FRMD4A: variants seen among roughly 807,000 people sequenced by gnomAD.
The protein encoded by FRMD4A is FERM domain containing 4A.
FRMD4A carries 29 observed loss-of-function variants against 129.1 expected under a neutral mutation model. The observed-to-expected ratio is 0.22, with a 90% CI of 0.17 to 0.31. The LOEUF (loss-of-function observed/expected upper bound fraction) is 0.31. FRMD4A is among the 10% of genes least tolerant of loss of function. The pLI is 1.00. For synonymous variants in FRMD4A, 634 were observed against 571.6 expected, an observed-to-expected ratio of 1.11 and a Z score of -1.56; for missense variants, 1,272 against 1,375.8, an observed-to-expected ratio of 0.92 and a Z score of 1.19.
At chr10:14,035,782 C>A (rs1238837533) in intron 2 of FRMD4A, among the ~76,000 whole-genome samples, 1 of 152,184 alleles carries the variant, frequency 6.6e-6, no homozygotes, top group Non-Finnish European at 1.5e-5. Flanking sequence ...ATGAAATAGA[C>A]TAAAGATATG....
At chr10:14,257,942 G>T (rs1446761198) in intron 2 of FRMD4A, among the ~76,000 whole-genome samples, 1 of 152,130 alleles carries the variant, frequency 6.6e-6, no homozygotes, top group African/African-American at 2.4e-5. Context: ...ACTAATACAA[G>T]GTGCAATGGA....
intron 2 of FRMD4A, among the ~76,000 whole-genome samples, chr10:14,192,828 T>C (rs1383200839): frequency 2.0e-5 from 3 of 152,232 alleles, no homozygotes; most frequent in Non-Finnish European, 2.9e-5. Flanking sequence ...TTGCATCAAC[T>C]TTTTCTTCCA....
At position 13,811,290 on chromosome 10, in the gene FRMD4A, C is replaced by CTT. The variant is rs1251736240; in HGVS notation, c.112-384_112-383dup. ...TATAGGCATATGCCACCACGCATGG[C>CTT]TTTTTTTTTTTTTTTTGGTTTTAGG... On this transcript the variant is annotated intron_variant, in intron 3 of 24. Coordinates refer to ENST00000357447, the MANE Select transcript of FRMD4A (RefSeq NM_018027.5). Among the ~76,000 whole-genome samples the CTT allele has an allele frequency of 3.0e-3, 374 of 126,368 alleles. 3 individuals are homozygous for CTT. Among genetic ancestry groups the CTT allele is most frequent in the African/African-American group, 9.9e-3 (343 of 34,504 alleles). The allele number at this position is 126,368 out of a possible 152,430, so 82.9% of individuals were successfully genotyped here. A position where few individuals can be genotyped will look rare whatever the true frequency, so the allele number is the denominator to read the frequency against.
rs1356308576 is a variant in FRMD4A at position 13,821,362 on chromosome 10, A to T, written c.112-10454T>A. ...AGTTGCACTGTCTTGGCTCTCAGGC[A>T]CCCAGAACAGGTAGGAGAGACCCCG... is the stretch of plus-strand genomic sequence containing the variant. On this transcript the variant is annotated intron_variant, in intron 3 of 24. Transcript: ENST00000357447. This position sits in a 1 kb window ranked among gnomAD's most constrained non-coding sequence, Gnocchi z 4.3. Among the ~76,000 whole-genome samples the T allele has an allele frequency of 6.6e-6, 1 of 152,062 alleles. No homozygotes were observed. Among genetic ancestry groups the T allele is most frequent in the Non-Finnish European group, 1.5e-5 (1 of 68,006 alleles).
intron 2 of FRMD4A, among the ~76,000 whole-genome samples, chr10:14,198,270 C>T (rs1386298536): frequency 2.0e-5 from 3 of 152,164 alleles, no homozygotes; most frequent in African/African-American, 4.8e-5. Flanking sequence ...AGTCTTGGAG[C>T]GAGAGTGATG....
At position 14,150,171 on chromosome 10, in the gene FRMD4A, C is replaced by T. The variant is rs924735377; in HGVS notation, c.45+179887G>A. Among the ~76,000 whole-genome samples the T allele has an allele frequency of 5.3e-5, 8 of 152,194 alleles. No individual in the cohort carries two copies. In the South Asian group the frequency reaches 1.7e-3, roughly 32 times the overall value. On this transcript the variant is annotated intron_variant, in intron 2 of 24. Transcript: ENST00000357447. ...ACCTCCCACCAGGTCCCTCCCTCAA[C>T]ACTGGGGATTACAATTCAGTATGAG... is the stretch of plus-strand genomic sequence containing the variant.
intron 2 of FRMD4A, among the ~76,000 whole-genome samples, chr10:14,039,494 CTATCTAT>C (rs1372595821): frequency 1.3e-5 from 2 of 151,150 alleles, no homozygotes; most frequent in East Asian, 3.9e-4. Flanking sequence ...ATCTATCTAT[CTATCTAT>C]CTATCTATCT....
intron 23 of FRMD4A, chr10:13,654,163 TCCATCTCCCCACATCCCAAGGA>T (rs1189670664): frequency 2.5e-5 from 14 of 560,416 alleles, no homozygotes; most frequent in Non-Finnish European, 4.4e-5. Context: ...ACTTCGTGCT[TCCATCTCCCCACATCCCAAGGA>T]CCACCGCCTA....
intron 2 of FRMD4A, among the ~76,000 whole-genome samples, chr10:14,068,952 A>T (rs912452098): frequency 1.4e-5 from 2 of 145,418 alleles, no homozygotes; most frequent in Non-Finnish European, 3.0e-5. Flanking sequence ...TACGTCTCGA[A>T]TGTTTTGTGG....
chr10:14,208,713 G>A (rs1842854578), intron 2 of FRMD4A, among the ~76,000 whole-genome samples: 1 of 152,140 alleles, frequency 6.6e-6, no homozygotes, highest in African/African-American at 2.4e-5. Context: ...CCTTTACAAG[G>A]AAGGGGAGAC....
chr10:13,748,000 A>G (rs952410550), intron 8 of FRMD4A, among the ~76,000 whole-genome samples, 181 bp from the exon 9 acceptor site: 20 of 152,206 alleles, frequency 1.3e-4, no homozygotes. Context: ...ACGAAGGCAG[A>G]ACACACCAAG....
At chr10:13,860,591 C>T (rs1046801503) in intron 2 of FRMD4A, among the ~76,000 whole-genome samples, 1 of 152,090 alleles carries the variant, frequency 6.6e-6, no homozygotes, top group Non-Finnish European at 1.5e-5. Context: ...TAGTGGCTAA[C>T]CGGCCGCTTT....
chr10:14,288,179 GGTTA>G, intron 2 of FRMD4A, among the ~76,000 whole-genome samples: 1 of 152,152 alleles, frequency 6.6e-6, no homozygotes, highest in Admixed American at 6.6e-5. Context: ...AGTTTAATCA[GGTTA>G]GTTAGGAACA....
chr10:13,844,411 C>T (rs887735409), intron 3 of FRMD4A, among the ~76,000 whole-genome samples: 1 of 151,998 alleles, frequency 6.6e-6, no homozygotes, highest in Non-Finnish European at 1.5e-5. Context: ...TTCTAAAACA[C>T]CTTTGTATCA....
At chr10:14,157,374 C>A (rs1328420030) in intron 2 of FRMD4A, among the ~76,000 whole-genome samples, 2 of 152,236 alleles carry the variant, frequency 1.3e-5, no homozygotes, top group Non-Finnish European at 1.5e-5. Context: ...ACTCTGAATA[C>A]CACCAACCAC....
chr10:13,752,538 C>T (rs1356138614), intron 8 of FRMD4A, among the ~76,000 whole-genome samples: 2 of 152,132 alleles, frequency 1.3e-5, no homozygotes, highest in African/African-American at 2.4e-5. Context: ...ATAGGCTTAG[C>T]GTGAAAGAAT....
At chr10:14,323,575 T>C (rs1843148035) in intron 2 of FRMD4A, among the ~76,000 whole-genome samples, 1 of 15,272 alleles carries the variant, frequency 6.5e-5, no homozygotes, top group Non-Finnish European at 1.1e-4. Context: ...GTAATGGGTA[T>C]CTATCCTTTT....
At chr10:13,985,077 G>A (rs953085008) in intron 2 of FRMD4A, among the ~76,000 whole-genome samples, 4 of 152,262 alleles carry the variant, frequency 2.6e-5, no homozygotes, top group Non-Finnish European at 5.9e-5. Context: ...AGCCCTGCTG[G>A]TGTGGGCTTC....
intron 2 of FRMD4A, among the ~76,000 whole-genome samples, chr10:14,164,908 T>C (rs1027781413): frequency 1.3e-5 from 2 of 152,222 alleles, no homozygotes; most frequent in African/African-American, 4.8e-5. Context: ...TCATCACCTA[T>C]TGTTGATGTT....
Sources: gnomAD v4.1 joint callset for allele counts (sites outside exome capture counted in the v4.1 genomes callset) on GRCh38, gnomAD v4.1.1 for gene constraint, Gnocchi (gnomAD v3.1) non-coding constraint, MANE v1.5 for transcripts, NCBI Gene and HGNC (gene_info 2026-07-23, HGNC 2026-07-21) for gene names.